ZNF423: variants seen among roughly 807,000 people sequenced by gnomAD.
ZNF423 encodes the protein zinc finger protein 423.
In ZNF423, 12 loss-of-function variants were observed where a neutral mutation model predicts 95.8. That is an observed-to-expected ratio of 0.13 (90% CI 0.08 to 0.20). The LOEUF (loss-of-function observed/expected upper bound fraction) is 0.20. Ranked by LOEUF, ZNF423 falls within the 10% of genes least tolerant of loss-of-function variation. The probability of loss-of-function intolerance (pLI) is 1.00; values close to 1 mark genes in which losing one functional copy is unlikely to be tolerated. For synonymous variants in ZNF423, 749 were observed against 711.9 expected (o/e 1.05, Z -0.83); for missense variants, 1,316 against 1,737.1 (o/e 0.76, Z 4.31).
chr16:49,692,237 G>A (rs1203808588), intron 3 of ZNF423, among the ~76,000 whole-genome samples: 4 of 152,260 alleles, frequency 2.6e-5, no homozygotes, highest in East Asian at 3.9e-4. Flanking sequence ...TGACAGGGGT[G>A]AGCCACCACA....
chr16:49,497,232 T>TATCCATCCATCC (rs773217573), intron 7 of ZNF423, among the ~76,000 whole-genome samples: 2 of 151,782 alleles, frequency 1.3e-5, no homozygotes, highest in Non-Finnish European at 2.9e-5. Flanking sequence ...TCTATTCATC[T>TATCCATCCATCC]ATCCATCCAT....
At chr16:49,746,002 G>A (rs2033515697) in intron 2 of ZNF423, among the ~76,000 whole-genome samples, 1 of 152,140 alleles carries the variant, frequency 6.6e-6, no homozygotes, top group Non-Finnish European at 1.5e-5. Flanking sequence ...AATGAGGACA[G>A]GTGCAGGGGG....
chr16:49,654,067 C>T (rs1236855827), intron 3 of ZNF423, among the ~76,000 whole-genome samples: 1 of 152,248 alleles, frequency 6.6e-6, no homozygotes, highest in Non-Finnish European at 1.5e-5. Context: ...ACAGATCAGA[C>T]ATCTGAGACA....
Position 49,635,514 on chromosome 16 carries a change from G to A in ZNF423, c.3516+146C>T. 1 of 977,272 alleles carries A rather than the reference G, an allele frequency of 1.0e-6. No homozygotes were observed. The highest frequency in any genetic ancestry group is 1.4e-6 in the Non-Finnish European group (1 of 713,916). 60.5% of individuals were successfully genotyped at this position (977,272 alleles called of 1,614,324 possible). On this transcript the variant is annotated intron_variant, in intron 4 of 7. Coordinates refer to ENST00000563137, the MANE Select transcript of ZNF423 (RefSeq NM_001379286.1). The surrounding 1 kb of genome is among the most constrained non-coding windows in gnomAD (Gnocchi z 4.8). ...GGCAGTGCTGAGGTTCAAACTCAAG[G>A]AGTCTACAGCACAGCAGTTCTGTTT...
rs963648642 is a variant in ZNF423, at chr16:49,637,058, G to A, written c.2118C>T (p.Asp706=). The A allele has an allele frequency of 1.9e-6, 3 of 1,613,898 alleles. No homozygotes were observed. Among genetic ancestry groups the A allele is most frequent in the Non-Finnish European group, 2.5e-6 (3 of 1,180,028 alleles). ...GGTCATCCACCGAGGAAAATTGCTT[G>A]TCGCAGCTCTCGCACACATAGTGGG... The part of the protein sequence containing the change: ...TSTHYVCESC[D]KQFSSVDDLQ... The change falls in exon 4 of 8, where the codon GAC becomes GAT. Residue 706 remains aspartate (D), a synonymous_variant. Transcript: ENST00000563137. The surrounding 1 kb of genome is among the most constrained non-coding windows in gnomAD (Gnocchi z 5.6).
intron 2 of ZNF423, among the ~76,000 whole-genome samples, chr16:49,767,174 T>C (rs1350901987): frequency 6.6e-6 from 1 of 152,052 alleles, no homozygotes. Flanking sequence ...CAGGCTGGTC[T>C]CAAACAGCTG....
intron 1 of ZNF423, among the ~76,000 whole-genome samples, chr16:49,809,314 C>T (rs1368948857): frequency 2.0e-4 from 31 of 152,346 alleles, no homozygotes; most frequent in Admixed American, 1.6e-3. Flanking sequence ...GGGGCCGGCC[C>T]GGCCCTGGGG....
chr16:49,517,677 C>CTTT, intron 7 of ZNF423: 6 of 216,904 alleles, frequency 2.8e-5, no homozygotes, highest in South Asian at 5.7e-5. Context: ...TGAGAGAAAA[C>CTTT]TTTTTTTTTT....
At chr16:49,789,604 T>A in intron 1 of ZNF423, 58 bp from the exon 2 acceptor site, 1 of 1,556,628 alleles carries the variant, frequency 6.4e-7, no homozygotes, top group Non-Finnish European at 8.7e-7. Flanking sequence ...ATAGATCAGG[T>A]AAGGCACAGG....
chr16:49,809,780 GA>G (rs934033992), intron 1 of ZNF423, among the ~76,000 whole-genome samples: 2 of 152,180 alleles, frequency 1.3e-5, no homozygotes, highest in African/African-American at 4.8e-5. Context: ...TGAGGCATCT[GA>G]AGCCTGCTCC....
At chr16:49,857,950 C>G (rs527585131), upstream of ZNF423, 3 of 152,320 alleles carry the variant, frequency 2.0e-5, no homozygotes, top group African/African-American at 7.2e-5. The surrounding 1 kb of genome is among the most constrained non-coding windows in gnomAD (Gnocchi z 6.2). Flanking sequence ...CTAAACCGTT[C>G]CTCGGAGCCT....
At chr16:49,672,177 G>T (rs530447639) in intron 3 of ZNF423, among the ~76,000 whole-genome samples, 2 of 152,082 alleles carry the variant, frequency 1.3e-5, no homozygotes, top group Non-Finnish European at 2.9e-5. Flanking sequence ...TAATGTGAAC[G>T]AAATAAAGAC....
intron 5 of ZNF423, among the ~76,000 whole-genome samples, chr16:49,602,568 A>G (rs534896756): frequency 6.6e-6 from 1 of 152,090 alleles, no homozygotes; most frequent in Non-Finnish European, 1.5e-5. Flanking sequence ...AGAAGTGTAA[A>G]ACCCGGCAGC....
At chr16:49,714,842 G>A (rs2032655990) in intron 3 of ZNF423, among the ~76,000 whole-genome samples, 1 of 152,128 alleles carries the variant, frequency 6.6e-6, no homozygotes, top group Non-Finnish European at 1.5e-5. Flanking sequence ...GCACCCTGGG[G>A]TTTGTCCCGC....
chr16:49,782,961 TAAAAA>T (rs767807245), intron 2 of ZNF423, among the ~76,000 whole-genome samples: 2 of 117,036 alleles, frequency 1.7e-5, no homozygotes, highest in Non-Finnish European at 3.7e-5. Context: ...CTGTCTCAAT[TAAAAA>T]AAAAAAAAAA....
intron 1 of ZNF423, among the ~76,000 whole-genome samples, chr16:49,809,879 A>G (rs537705190): frequency 3.3e-5 from 5 of 152,200 alleles, no homozygotes; most frequent in Admixed American, 3.3e-4. Flanking sequence ...AGCCTTATGA[A>G]CCGCATGAGA....
chr16:49,729,306 G>A (rs1279605857), intron 3 of ZNF423, among the ~76,000 whole-genome samples: 2 of 152,136 alleles, frequency 1.3e-5, no homozygotes, highest in East Asian at 1.9e-4. Context: ...GTTAATTCTT[G>A]GCTAAATCAA....
intron 3 of ZNF423, among the ~76,000 whole-genome samples, chr16:49,669,380 C>G (rs1168327204): frequency 6.6e-6 from 1 of 152,086 alleles, no homozygotes; most frequent in African/African-American, 2.4e-5. Flanking sequence ...AAAAATCCAT[C>G]TCATCTCCCA....
At chr16:49,786,000 G>C (rs1486091357) in intron 2 of ZNF423, among the ~76,000 whole-genome samples, 1 of 152,136 alleles carries the variant, frequency 6.6e-6, no homozygotes, top group African/African-American at 2.4e-5. Flanking sequence ...ACTCAAAACA[G>C]GTTAAGAACT....
Sources: gnomAD v4.1 joint callset for allele counts (sites outside exome capture counted in the v4.1 genomes callset) on GRCh38, gnomAD v4.1.1 for gene constraint, Gnocchi (gnomAD v3.1) non-coding constraint, MANE v1.5 for transcripts, NCBI Gene and HGNC (gene_info 2026-07-23, HGNC 2026-07-21) for gene names.